ZDHHC20: variants seen among roughly 807,000 people sequenced by gnomAD.
ZDHHC20 encodes zDHHC palmitoyltransferase 20, also known as palmitoyltransferase ZDHHC20.
Under a neutral mutation model 57.8 loss-of-function variants are expected in ZDHHC20, and 43 were observed. That is an observed-to-expected ratio of 0.74 (90% confidence interval 0.58 to 0.96). ZDHHC20 has a LOEUF of 0.96. Ranked by LOEUF, ZDHHC20 falls within the 40% of genes least tolerant of loss-of-function variation. The pLI is 0.00. For missense variants in ZDHHC20, 391 were observed against 441.1 expected (o/e 0.89, Z 1.02); for synonymous variants, 157 against 153.0 (o/e 1.03, Z -0.19).
chr13:21,380,090 C>A (rs553866485), intron 11 of ZDHHC20, among the ~76,000 whole-genome samples: 155 of 143,630 alleles, frequency 1.1e-3, no homozygotes, highest in Admixed American at 2.3e-3. Flanking sequence ...GCTGGGATTA[C>A]AGGCATGAGC....
At chr13:21,382,178 G>A (rs1873546784) in intron 10 of ZDHHC20, among the ~76,000 whole-genome samples, 1 of 152,174 alleles carries the variant, frequency 6.6e-6, no homozygotes, top group South Asian at 2.1e-4. Context: ...TGGAAACTGA[G>A]GCTCATAGTT....
chr13:21,396,756 C>A (rs1876842758), intron 7 of ZDHHC20, among the ~76,000 whole-genome samples: 2 of 151,788 alleles, frequency 1.3e-5, no homozygotes, highest in Admixed American at 6.6e-5. Context: ...TCACTTGAAT[C>A]CAGGAGGTGA....
intron 2 of ZDHHC20, among the ~76,000 whole-genome samples, chr13:21,423,673 C>CA (rs970763214): frequency 2.7e-4 from 36 of 134,912 alleles, no homozygotes; most frequent in Admixed American, 6.0e-4. Context: ...GACTCCATCT[C>CA]AAAAAAAAAA....
At chr13:21,428,270 G>C (rs780271707) in intron 1 of ZDHHC20, among the ~76,000 whole-genome samples, 1 of 151,984 alleles carries the variant, frequency 6.6e-6, no homozygotes, top group East Asian at 1.9e-4. Flanking sequence ...ACCCAGGCTG[G>C]AGTAAAGTGG....
At position 21,425,652 on chromosome 13, in the gene ZDHHC20, C is replaced by T; in HGVS notation, c.145G>A (p.Gly49Arg). 1 of 1,181,838 alleles carries T rather than the reference C, an allele frequency of 8.5e-7. No homozygotes were observed. Among genetic ancestry groups the T allele is most frequent in the Non-Finnish European group, 1.1e-6 (1 of 878,832 alleles). 73.2% of individuals were successfully genotyped at this position (1,181,838 alleles called of 1,614,324 possible). A position where few individuals can be genotyped will look rare whatever the true frequency, so the allele number is the denominator to read the frequency against. Residue 49 changes from glycine to arginine, a missense_variant and splice_region_variant, in exon 2 of 13, where the codon GGA (glycine) becomes AGA (arginine). By Grantham distance (125) the Gly-to-Arg change is moderately radical. Around this residue, in one of 3 missense-constraint regions of ZDHHC20, gnomAD observed 185 missense variants for 188.0 expected, o/e 0.98. Coordinates refer to ENST00000400590, the MANE Select transcript of ZDHHC20 (RefSeq NM_001330059.2). ...VFTIFGNEEN[G>R]KTVVYLVAFH... ...TAAATTGAAACTAAAAGTGCCTTAC[C>T]ATTTTCTTCATTTCCAAAAATAGTA... is the stretch of plus-strand genomic sequence containing the variant.
intron 5 of ZDHHC20, among the ~76,000 whole-genome samples, 167 bp downstream of exon 5, chr13:21,402,630 T>G (rs887646305): frequency 6.6e-6 from 1 of 152,246 alleles, no homozygotes. Context: ...GTGAGTATAT[T>G]CCAGCTTTTA....
intron 11 of ZDHHC20, among the ~76,000 whole-genome samples, chr13:21,379,580 C>T (rs1872871213): frequency 6.6e-6 from 1 of 152,034 alleles, no homozygotes; most frequent in South Asian, 2.1e-4. Flanking sequence ...CTGTGCCTGA[C>T]CCAAAACCAC....
chr13:21,385,623 T>G (rs1466514002), intron 9 of ZDHHC20, among the ~76,000 whole-genome samples: 1 of 152,026 alleles, frequency 6.6e-6, no homozygotes, highest in East Asian at 1.9e-4. Context: ...TATCAAGCTA[T>G]TTAACATATG....
chr13:21,384,829 C>T (rs1324508871), intron 9 of ZDHHC20, among the ~76,000 whole-genome samples: 1 of 152,064 alleles, frequency 6.6e-6, no homozygotes, highest in African/African-American at 2.4e-5. Flanking sequence ...AGGCCAAGTG[C>T]AGTAGTAATG....
chr13:21,439,148 A>G (rs979982128), intron 1 of ZDHHC20, among the ~76,000 whole-genome samples: 6 of 152,330 alleles, frequency 3.9e-5, no homozygotes, highest in African/African-American at 1.2e-4. Context: ...TATGCCTGCA[A>G]TTCTCTGAAT....
intron 1 of ZDHHC20, among the ~76,000 whole-genome samples, chr13:21,432,335 T>A (rs1412909003): frequency 6.6e-6 from 1 of 151,040 alleles, no homozygotes; most frequent in Non-Finnish European, 1.5e-5. Context: ...CCACTAATTT[T>A]TTTTTTTTTT....
At position 21,373,359 on chromosome 13, in the gene ZDHHC20, C is replaced by A. The variant is rs1410982835; in HGVS notation, c.*3337G>T. On this transcript the variant is annotated 3_prime_UTR_variant, in exon 13 of 13. Coordinates refer to ENST00000400590, the MANE Select transcript of ZDHHC20 (RefSeq NM_001330059.2). ...ACCGTCCTGTAAACATAGTCAAAAT[C>A]TGCTAATAGAAATACAATTCAAGTA... 2 of 152,168 alleles carry A rather than the reference C, an allele frequency of 1.3e-5. No individual in the cohort carries two copies. Among genetic ancestry groups the A allele is most frequent in the Non-Finnish European group, 2.9e-5 (2 of 68,022 alleles). 9.4% of individuals were successfully genotyped at this position (152,168 alleles called of 1,614,324 possible).
chr13:21,457,620 T>C (rs1790608914), intron 1 of ZDHHC20, among the ~76,000 whole-genome samples: 1 of 152,232 alleles, frequency 6.6e-6, no homozygotes, highest in African/African-American at 2.4e-5. Flanking sequence ...GCAGGGATAG[T>C]CGTCCCAAAA....
chr13:21,378,768 C>CAA (rs751093398), intron 11 of ZDHHC20, 30 bp from the exon 12 acceptor site: 1,546 of 686,728 alleles, frequency 2.3e-3, no homozygotes, highest in South Asian at 5.7e-3. Context: ...TATGACATGA[C>CAA]AAAAAAAAAA....
In ZDHHC20 at chr13:21,402,796, C is replaced by T. The variant is rs770993471; in HGVS notation, c.440+1G>A. On this transcript the variant is annotated splice_donor_variant, in intron 5 of 12. Transcript: ENST00000400590. LOFTEE classifies it high-confidence loss of function. ...TAAGCATATGTGTGAGTAACACTTA[C>T]GAGTCACAGGCTGAGCAGTGATGCG... The T allele has an allele frequency of 1.4e-5, 23 of 1,594,792 alleles. No homozygotes were observed. Among genetic ancestry groups the T allele is most frequent in the Admixed American group, 1.2e-4 (7 of 57,194 alleles).
chr13:21,378,848 A>G, intron 11 of ZDHHC20, 110 bp from the exon 12 acceptor site: 3 of 538,380 alleles, frequency 5.6e-6, no homozygotes, highest in Non-Finnish European at 9.0e-6. Flanking sequence ...TGTAAATACA[A>G]AATAGGCTTA....
chr13:21,420,566 C>A lies in ZDHHC20; in HGVS notation c.249+495G>T, dbSNP rs946398459. 1.4e-4 allele frequency among the ~76,000 whole-genome samples: 22 copies of A among 152,194 alleles called. 1 individual carries two copies. The highest frequency in any genetic ancestry group is 5.1e-4 in the African/African-American group (21 of 41,448). ...AGAGACACTGGTCATAAAACCTACT[C>A]CACATAAATGTTTACCTATATTATT... is the stretch of plus-strand genomic sequence containing the variant. On this transcript the variant is annotated intron_variant, in intron 3 of 12. Transcript: ENST00000400590.
In ZDHHC20 at chr13:21,449,018, A is replaced by T. The variant is rs376297540; in HGVS notation, c.118+10036T>A. Among the ~76,000 whole-genome samples, 54 of 120,476 alleles carry T rather than the reference A, an allele frequency of 4.5e-4. No homozygotes were observed. The East Asian group carries it at 9.1e-3, about 20-fold the overall frequency. The allele number at this position is 120,476 out of a possible 152,430, so 79.0% of individuals were successfully genotyped here. On this transcript the variant is annotated intron_variant, in intron 1 of 12. Transcript: ENST00000400590. ...CTTTGTTAAACAGATGCTTGAAGGC[A>T]GCATGCTTGTTAAGAGTCATCACCA... is the stretch of plus-strand genomic sequence containing the variant.
chr13:21,408,780 C>T (rs562417098), intron 4 of ZDHHC20, among the ~76,000 whole-genome samples: 144 of 152,202 alleles, frequency 9.5e-4, no homozygotes, highest in Non-Finnish European at 1.4e-3. Flanking sequence ...TTTTGAGATG[C>T]GTTCCATCAA....
Sources: allele counts gnomAD v4.1 joint callset (sites outside exome capture counted in the v4.1 genomes callset), GRCh38; gene constraint gnomAD v4.1.1; regional missense constraint gnomAD v4.1.1; transcripts MANE v1.5; gene names NCBI Gene and HGNC (gene_info 2026-07-23, HGNC 2026-07-21).